The following PAPPA2 variants were observed in gnomAD, a reference collection of about 807,000 sequenced individuals.
PAPPA2 encodes the protein pappalysin-2.
Under a neutral mutation model 176.4 loss-of-function variants are expected in PAPPA2, and 86 were observed. That is an observed-to-expected ratio of 0.49 (90% confidence interval 0.41 to 0.58). The LOEUF (loss-of-function observed/expected upper bound fraction) is 0.58, where lower values mean the gene tolerates loss of function less well. Among genes scored for constraint, PAPPA2 ranks in the 20% least tolerant of loss-of-function variants. The pLI is 0.00. For synonymous variants in PAPPA2, 809 were observed against 852.2 expected (o/e 0.95, Z 0.88); for missense variants, 2,073 against 2,256.9 (o/e 0.92, Z 1.65).
At chr1:176,491,811 C>A (rs534749843) in intron 1 of PAPPA2, among the ~76,000 whole-genome samples, 1 of 152,166 alleles carries the variant, frequency 6.6e-6, no homozygotes, top group East Asian at 1.9e-4. Context: ...GCACTTTAAT[C>A]CTGGAGTTTC....
intron 15 of PAPPA2, among the ~76,000 whole-genome samples, chr1:176,767,495 A>C (rs950053769): frequency 6.6e-5 from 10 of 152,060 alleles, no homozygotes; most frequent in East Asian, 1.9e-4. Context: ...CTACAGGTGC[A>C]TGCCACCACA....
At chr1:176,580,641 A>AT (rs60434398) in intron 2 of PAPPA2, among the ~76,000 whole-genome samples, 6 of 151,166 alleles carry the variant, frequency 4.0e-5, no homozygotes, top group East Asian at 1.9e-4. Flanking sequence ...CATTGCCAGC[A>AT]TTTTTTTTTT....
intron 1 of PAPPA2, among the ~76,000 whole-genome samples, chr1:176,523,716 T>G (rs1649328179): frequency 6.6e-6 from 1 of 152,224 alleles, no homozygotes; most frequent in African/African-American, 2.4e-5. Context: ...TGGGGCTCCT[T>G]GTTAAAAGAG....
At chr1:176,493,142 C>T (rs897964827) in intron 1 of PAPPA2, among the ~76,000 whole-genome samples, 1 of 152,274 alleles carries the variant, frequency 6.6e-6, no homozygotes, top group African/African-American at 2.4e-5. Context: ...GATTATGATT[C>T]CATGATATGG....
At chr1:176,823,058 A>C (rs1666725240) in intron 21 of PAPPA2, among the ~76,000 whole-genome samples, 1 of 152,232 alleles carries the variant, frequency 6.6e-6, no homozygotes, top group Non-Finnish European at 1.5e-5. Flanking sequence ...TTTCTCTTTC[A>C]AGTAACTATA....
At chr1:176,812,411 T>A (rs1054365119) in intron 21 of PAPPA2, among the ~76,000 whole-genome samples, 5 of 152,198 alleles carry the variant, frequency 3.3e-5, no homozygotes, top group African/African-American at 1.2e-4. Flanking sequence ...TGCAAAATTA[T>A]GTCTATAGAT....
At chr1:176,809,346 G>A (rs1666044403) in intron 21 of PAPPA2, among the ~76,000 whole-genome samples, 1 of 152,204 alleles carries the variant, frequency 6.6e-6, no homozygotes, top group African/African-American at 2.4e-5. Flanking sequence ...CATTGGAGTG[G>A]CTGGATTACT....
chr1:176,797,642 A>G (rs889400768), intron 20 of PAPPA2, among the ~76,000 whole-genome samples: 9 of 151,860 alleles, frequency 5.9e-5, no homozygotes, highest in African/African-American at 1.7e-4. Context: ...GACTGTCTCA[A>G]AAAATATATA....
At chr1:176,624,962 G>C (rs1276871293) in intron 3 of PAPPA2, among the ~76,000 whole-genome samples, 1 of 152,144 alleles carries the variant, frequency 6.6e-6, no homozygotes, top group African/African-American at 2.4e-5. Context: ...GGACACTGTG[G>C]CCAAGGGGCA....
At position 176,620,625 on chromosome 1, in the gene PAPPA2, A is replaced by T. The variant is rs942593645; in HGVS notation, c.1991+25030A>T. On this transcript the variant is annotated intron_variant, in intron 3 of 22. Transcript: ENST00000367662. ...AACAATATGTAAATGAATGATTATGATTGTGTTCCAATAAAACATTTACAA... is the reference window on the plus strand; with the variant it reads ...AACAATATGTAAATGAATGATTATGTTTGTGTTCCAATAAAACATTTACAA... 2.0e-5 allele frequency among the ~76,000 whole-genome samples: 3 copies of T among 152,214 alleles called. 1 individual carries two copies. In the South Asian group the frequency reaches 6.2e-4, roughly 32 times the overall value.
At chr1:176,538,589 G>A (rs1650203153) in intron 1 of PAPPA2, among the ~76,000 whole-genome samples, 1 of 152,124 alleles carries the variant, frequency 6.6e-6, no homozygotes, top group Admixed American at 6.5e-5. Flanking sequence ...GGGGAGAAAT[G>A]GAACGTATAA....
intron 14 of PAPPA2, among the ~76,000 whole-genome samples, chr1:176,756,834 A>G (rs1489549661): frequency 2.6e-5 from 4 of 152,046 alleles, no homozygotes; most frequent in Admixed American, 2.6e-4. Context: ...TACATTAGGT[A>G]TTTCTCCTAA....
At chr1:176,776,308 TA>T (rs879891307) in intron 17 of PAPPA2, among the ~76,000 whole-genome samples, 8 of 152,172 alleles carry the variant, frequency 5.3e-5, no homozygotes, top group Non-Finnish European at 7.4e-5. Context: ...CTTCCAACTT[TA>T]GTTAGTCAAT....
chr1:176,812,215 T>G (rs1666181501), intron 21 of PAPPA2, among the ~76,000 whole-genome samples: 1 of 146,268 alleles, frequency 6.8e-6, no homozygotes, highest in South Asian at 2.5e-4. Flanking sequence ...TTTGTTCTTT[T>G]TTTTTTGGGG....
intron 1 of PAPPA2, among the ~76,000 whole-genome samples, chr1:176,502,626 A>G (rs766831418): frequency 6.6e-6 from 1 of 152,198 alleles, no homozygotes; most frequent in Non-Finnish European, 1.5e-5. Context: ...ATGGTGGGGC[A>G]AGATATTAGG....
intron 1 of PAPPA2, among the ~76,000 whole-genome samples, chr1:176,553,282 G>A (rs1651073038): frequency 1.4e-5 from 2 of 146,786 alleles, no homozygotes; most frequent in South Asian, 2.3e-4. Context: ...GGGGGCTGAG[G>A]GAGGGAGGGG....
intron 3 of PAPPA2, among the ~76,000 whole-genome samples, chr1:176,641,325 C>G (rs1657074910): frequency 6.6e-6 from 1 of 151,914 alleles, no homozygotes; most frequent in African/African-American, 2.4e-5. Flanking sequence ...GGTTTTAGGT[C>G]TAATATTTAA....
At chr1:176,537,756 ATGTACGTGTGTG>A (rs1206063480) in intron 1 of PAPPA2, among the ~76,000 whole-genome samples, 1 of 64,942 alleles carries the variant, frequency 1.5e-5, no homozygotes, top group Non-Finnish European at 3.5e-5. Context: ...GTGTGTGTGT[ATGTACGTGTGTG>A]TGTTAACGCT....
intron 12 of PAPPA2, among the ~76,000 whole-genome samples, chr1:176,713,082 A>G (rs1224479458): frequency 6.6e-6 from 1 of 151,762 alleles, no homozygotes. Flanking sequence ...TTTTTCAGTA[A>G]TATGCTCTTT....
Sources: allele counts gnomAD v4.1 joint callset (sites outside exome capture counted in the v4.1 genomes callset), GRCh38; gene constraint gnomAD v4.1.1; transcripts MANE v1.5; gene names NCBI Gene and HGNC (gene_info 2026-07-23, HGNC 2026-07-21).